PHACTR2: variants seen among roughly 807,000 people sequenced by gnomAD.
PHACTR2 encodes the protein phosphatase and actin regulator 2.
PHACTR2 carries 30 observed loss-of-function variants against 76.0 expected under a neutral mutation model. The observed-to-expected ratio is 0.39, with a 90% CI of 0.30 to 0.54. The LOEUF (loss-of-function observed/expected upper bound fraction) is 0.54, where lower values mean the gene tolerates loss of function less well. PHACTR2 is among the 20% of genes least tolerant of loss of function. PHACTR2 has a pLI of 0.61. For synonymous variants in PHACTR2, 292 were observed against 292.5 expected, an observed-to-expected ratio of 1.00 and a Z score of 0.02; for missense variants, 696 against 781.1, an observed-to-expected ratio of 0.89 and a Z score of 1.30.
At chr6:143,600,918 C>T (rs565948432) in intron 1 of PHACTR2, among the ~76,000 whole-genome samples, 1 of 152,296 alleles carries the variant, frequency 6.6e-6, no homozygotes, top group East Asian at 1.9e-4. Context: ...CTGGCCATTC[C>T]TGGTAAATAT....
rs972804960 is a variant in PHACTR2 at position 143,598,575 on chromosome 6, C to T, written c.217+61368C>T. ...AGATAATAGGAAAGGAAAGTAAAAG[C>T]AGAAGTGTGGGCCAGGGAGGGATCG... On this transcript the variant is annotated intron_variant, in intron 1 of 11. Coordinates refer to the PHACTR2 transcript ENST00000367584. This position sits in a 1 kb window ranked among gnomAD's most constrained non-coding sequence, Gnocchi z 4.1. 5.3e-5 allele frequency among the ~76,000 whole-genome samples: 8 copies of T among 152,152 alleles called. No individual in the cohort carries two copies. The highest frequency in any genetic ancestry group is 1.9e-4 in the African/African-American group (8 of 41,420).
intron 12 of PHACTR2, chr6:143,810,693 A>G (rs1776156595): frequency 3.1e-6 from 1 of 327,354 alleles, no homozygotes; most frequent in Non-Finnish European, 6.1e-6. Context: ...TTAGCTTAGC[A>G]TGGTGGCACT....
In PHACTR2 at chr6:143,787,421, A is replaced by G. The variant is rs1352107020; in HGVS notation, c.1708-1352A>G. Among the ~76,000 whole-genome samples, 1 of 152,210 alleles carries G rather than the reference A, an allele frequency of 6.6e-6. No individual in the cohort carries two copies. The highest frequency in any genetic ancestry group is 2.4e-5 in the African/African-American group (1 of 41,460). On this transcript the variant is annotated intron_variant, in intron 10 of 12. Coordinates refer to ENST00000440869, the MANE Select transcript of PHACTR2 (RefSeq NM_001100164.2). This position sits in a 1 kb window ranked among gnomAD's most constrained non-coding sequence, Gnocchi z 4.6. The stretch of plus-strand genomic sequence containing the variant: ...ACTTAGATTATTCTTTCTCTTGTCC[A>G]TTGCCTACCGGGGCTCTATGAAGAT...
rs982326504 is a variant in PHACTR2 at position 143,658,302 on chromosome 6, A to C, written c.13+49980A>C. Among the ~76,000 whole-genome samples the C allele has an allele frequency of 2.0e-5, 3 of 152,244 alleles. No individual in the cohort carries two copies. Among genetic ancestry groups the C allele is most frequent in the African/African-American group, 7.2e-5 (3 of 41,466 alleles). On this transcript the variant is annotated intron_variant, in intron 1 of 11. Transcript: ENST00000305766. This position sits in a 1 kb window ranked among gnomAD's most constrained non-coding sequence, Gnocchi z 4.1. Reference sequence around the variant, plus strand: ...ACCTTCAAATTAACAAGGGAAATTCAGGTGAAACTTAAATATGAACTTAAA... The same window carrying C: ...ACCTTCAAATTAACAAGGGAAATTCCGGTGAAACTTAAATATGAACTTAAA...
chr6:143,802,137 T>C (rs1775970941), intron 11 of PHACTR2, among the ~76,000 whole-genome samples: 1 of 152,210 alleles, frequency 6.6e-6, no homozygotes, highest in Non-Finnish European at 1.5e-5. Flanking sequence ...TGTTTCCTTT[T>C]TCCTCTCTAT....
At position 143,826,103 on chromosome 6, in the gene PHACTR2, G is replaced by A. The variant is rs920327700; in HGVS notation, c.*2414G>A. On this transcript the variant is annotated 3_prime_UTR_variant, in exon 13 of 13. Transcript: ENST00000440869. Reference sequence around the variant, plus strand: ...CTGCTAGTCTACTGTTTAGGTAATCGGAATCACCAATTATTTTATTAGAAT... The same window carrying A: ...CTGCTAGTCTACTGTTTAGGTAATCAGAATCACCAATTATTTTATTAGAAT... 5.9e-5 allele frequency: 9 copies of A among 151,848 alleles called. No individual in the cohort carries two copies. The highest frequency in any genetic ancestry group is 3.9e-4 in the East Asian group (2 of 5,194). 9.4% of individuals were successfully genotyped at this position (151,848 alleles called of 1,614,324 possible). A position where few individuals can be genotyped will look rare whatever the true frequency, so the allele number is the denominator to read the frequency against.
At chr6:143,572,479 A>G (rs967254741) in intron 1 of PHACTR2, among the ~76,000 whole-genome samples, 17 of 152,198 alleles carry the variant, frequency 1.1e-4, no homozygotes, top group African/African-American at 3.4e-4. Flanking sequence ...TGTGTTTATT[A>G]TAGATTGATT....
intron 1 of PHACTR2, among the ~76,000 whole-genome samples, chr6:143,590,983 C>T (rs557017406): frequency 3.9e-5 from 6 of 152,248 alleles, no homozygotes; most frequent in East Asian, 1.9e-4. Flanking sequence ...CATGAAAACT[C>T]GACGTGTATA....
rs1776532568 is a variant in PHACTR2, at chr6:143,826,472, TG to T, written c.*2786del. On this transcript the variant is annotated 3_prime_UTR_variant, in exon 13 of 13. Coordinates refer to ENST00000440869, the MANE Select transcript of PHACTR2 (RefSeq NM_001100164.2). The stretch of plus-strand genomic sequence containing the variant: ...ATTAGGCTGACATCGAGGAAGTAAG[TG>T]GGTTTTCCTGAGTTCCCAAGATATG... 6.6e-6 allele frequency: 1 copy of T among 152,214 alleles called. No individual in the cohort carries two copies. Among genetic ancestry groups the T allele is most frequent in the Non-Finnish European group, 1.5e-5 (1 of 68,040 alleles). The allele number at this position is 152,214 out of a possible 1,614,324, so 9.4% of individuals were successfully genotyped here. A position where few individuals can be genotyped will look rare whatever the true frequency, so the allele number is the denominator to read the frequency against.
intron 1 of PHACTR2, among the ~76,000 whole-genome samples, chr6:143,681,850 G>T (rs1249442587): frequency 6.6e-6 from 1 of 152,188 alleles, no homozygotes; most frequent in Non-Finnish European, 1.5e-5. Flanking sequence ...TTTCCCCATT[G>T]AATGGTGTTC....
At position 143,784,262 on chromosome 6, in the gene PHACTR2, C is replaced by T. The variant is rs1377133934; in HGVS notation, c.1707+982C>T. Among the ~76,000 whole-genome samples, 1 of 152,186 alleles carries T rather than the reference C, an allele frequency of 6.6e-6. No individual in the cohort carries two copies. The highest frequency in any genetic ancestry group is 1.5e-5 in the Non-Finnish European group (1 of 68,030). ...CAGTGCTACCCAGATTGACAAATGT[C>T]TTACCTCCCAAACTCAGACAATTGT... On this transcript the variant is annotated intron_variant, in intron 10 of 12. Coordinates refer to ENST00000440869, the MANE Select transcript of PHACTR2 (RefSeq NM_001100164.2). The surrounding 1 kb of genome is among the most constrained non-coding windows in gnomAD (Gnocchi z 4.5).
In PHACTR2 at chr6:143,625,975, T is replaced by C. The variant is rs1236479279; in HGVS notation, c.13+17653T>C. On this transcript the variant is annotated intron_variant, in intron 1 of 11. Coordinates refer to the PHACTR2 transcript ENST00000305766. The surrounding 1 kb of genome is among the most constrained non-coding windows in gnomAD (Gnocchi z 4.3). ...GACTGGCCATCTAAATGTGACTGGG[T>C]TACAAAATTTGGGAGATTTGCAAGC... 6.6e-6 allele frequency among the ~76,000 whole-genome samples: 1 copy of C among 152,196 alleles called. No individual in the cohort carries two copies. The highest frequency in any genetic ancestry group is 1.5e-5 in the Non-Finnish European group (1 of 68,026).
intron 2 of PHACTR2, among the ~76,000 whole-genome samples, chr6:143,718,013 CT>C (rs895699951): frequency 3.3e-5 from 5 of 152,132 alleles, no homozygotes; most frequent in African/African-American, 1.2e-4. Flanking sequence ...ATTTTCCTAT[CT>C]TTTGTCCTTA....
At chr6:143,620,763 C>A (rs1776139903) in intron 1 of PHACTR2, among the ~76,000 whole-genome samples, 1 of 152,162 alleles carries the variant, frequency 6.6e-6, no homozygotes, top group South Asian at 2.1e-4. Context: ...GGCTTTTATG[C>A]AGGGGGAAAG....
At chr6:143,594,539 T>C (rs1775726863) in intron 1 of PHACTR2, among the ~76,000 whole-genome samples, 1 of 152,270 alleles carries the variant, frequency 6.6e-6, no homozygotes, top group South Asian at 2.1e-4. Context: ...GTAAGTATCC[T>C]GGTGGAATAT....
chr6:143,574,593 G>A (rs28402075), intron 1 of PHACTR2, among the ~76,000 whole-genome samples: 3,043 of 151,610 alleles, frequency 0.02, 103 homozygotes, highest in African/African-American at 0.07. Flanking sequence ...ATGATCACCT[G>A]TATTTTATTT....
chr6:143,813,600 A>G (rs1776230190), intron 12 of PHACTR2, among the ~76,000 whole-genome samples: 1 of 145,336 alleles, frequency 6.9e-6, no homozygotes, highest in South Asian at 2.3e-4. Flanking sequence ...CCTGGGCAAC[A>G]GAGCGAGACT....
At chr6:143,770,775 A>C (rs558535454) in intron 6 of PHACTR2, among the ~76,000 whole-genome samples, 6 of 152,186 alleles carry the variant, frequency 3.9e-5, no homozygotes, top group African/African-American at 1.4e-4. Flanking sequence ...TGATGTTTTT[A>C]TGTAAATTAC....
Position 143,777,973 on chromosome 6 carries a change from A to G in PHACTR2, c.1645+590A>G, listed in dbSNP as rs1775325103. On this transcript the variant is annotated intron_variant, in intron 9 of 12. Coordinates refer to ENST00000440869, the MANE Select transcript of PHACTR2 (RefSeq NM_001100164.2). This position sits in a 1 kb window ranked among gnomAD's most constrained non-coding sequence, Gnocchi z 4.6. ...TTTTCCCTCTGTTCTCTTTGACTTT[A>G]GTTTTTACTCATCCCTGCAGTAGTA... Among the ~76,000 whole-genome samples, 1 of 152,082 alleles carries G rather than the reference A, an allele frequency of 6.6e-6. No individual in the cohort carries two copies. The highest frequency in any genetic ancestry group is 2.4e-5 in the African/African-American group (1 of 41,390).
Sources: allele counts gnomAD v4.1 joint callset (sites outside exome capture counted in the v4.1 genomes callset), GRCh38; gene constraint gnomAD v4.1.1; non-coding constraint Gnocchi (gnomAD v3.1); transcripts MANE v1.5; gene names NCBI Gene and HGNC (gene_info 2026-07-23, HGNC 2026-07-21).